Variants in LUZP2 observed in about 807,000 individuals in gnomAD.
LUZP2 encodes leucine zipper protein 2.
In LUZP2, 52 loss-of-function variants were observed where a neutral mutation model predicts 51.6. The observed-to-expected ratio is 1.01, with a 90% CI of 0.81 to 1.27. The LOEUF (loss-of-function observed/expected upper bound fraction) is 1.27. LUZP2 is among the 50% of genes most tolerant of loss of function. The pLI, the probability that LUZP2 is intolerant of heterozygous loss-of-function variation, is 0.00. For synonymous variants in LUZP2, 154 were observed against 137.3 expected, an observed-to-expected ratio of 1.12 and a Z score of -0.85; for missense variants, 436 against 395.4, an observed-to-expected ratio of 1.10 and a Z score of -0.87.
intron 9 of LUZP2, among the ~76,000 whole-genome samples, chr11:25,021,557 T>C (rs1857334057): frequency 6.6e-6 from 1 of 151,642 alleles, no homozygotes; most frequent in South Asian, 2.1e-4. Flanking sequence ...TCATGATTAG[T>C]GTGTGTTTGA....
chr11:24,857,600 A>AAATC (rs1851610245), intron 5 of LUZP2, among the ~76,000 whole-genome samples: 1 of 150,268 alleles, frequency 6.7e-6, no homozygotes, highest in African/African-American at 2.4e-5. Flanking sequence ...TGTGAATGTT[A>AAATC]AATCAGTGCT....
intron 5 of LUZP2, among the ~76,000 whole-genome samples, chr11:24,872,064 T>G (rs1852094265): frequency 6.6e-6 from 1 of 152,124 alleles, no homozygotes; most frequent in African/African-American, 2.4e-5. Flanking sequence ...GTTATCCCCA[T>G]GCTCTGACTT....
chr11:24,537,172 G>T (rs1282113285), intron 1 of LUZP2, among the ~76,000 whole-genome samples: 2 of 151,868 alleles, frequency 1.3e-5, no homozygotes, highest in African/African-American at 4.8e-5. Flanking sequence ...TTGAAATATT[G>T]TGAGAATTAA....
chr11:24,935,089 A>C (rs1379131476), intron 7 of LUZP2, among the ~76,000 whole-genome samples: 7 of 152,228 alleles, frequency 4.6e-5, no homozygotes, highest in Non-Finnish European at 1.5e-5. Context: ...GATTAATTCT[A>C]GAACATGTCT....
chr11:24,557,516 C>T (rs2133762926), intron 1 of LUZP2, among the ~76,000 whole-genome samples: 1 of 152,032 alleles, frequency 6.6e-6, no homozygotes, highest in South Asian at 2.1e-4. Flanking sequence ...AATGAGTGGA[C>T]AAACTATAAT....
At chr11:24,813,803 A>T (rs1001443280) in intron 5 of LUZP2, among the ~76,000 whole-genome samples, 53 of 152,200 alleles carry the variant, frequency 3.5e-4, no homozygotes, top group African/African-American at 1.2e-3. Flanking sequence ...ATTCTCTGAG[A>T]TGCCCCTCCC....
intron 1 of LUZP2, among the ~76,000 whole-genome samples, chr11:24,550,339 C>A (rs1851688572): frequency 6.6e-6 from 1 of 151,982 alleles, no homozygotes; most frequent in African/African-American, 2.4e-5. Flanking sequence ...TGTAAGAAAT[C>A]AATTACACAC....
chr11:24,835,023 G>A (rs11028204), intron 5 of LUZP2, among the ~76,000 whole-genome samples: 23,790 of 151,888 alleles, frequency 0.16, 2,065 homozygotes, highest in African/African-American at 0.22. Flanking sequence ...GATTGCAAAA[G>A]TTTTCTCCCA....
intron 7 of LUZP2, among the ~76,000 whole-genome samples, chr11:24,936,177 T>C (rs1310799493): frequency 2.0e-5 from 3 of 152,190 alleles, no homozygotes; most frequent in African/African-American, 7.2e-5. Flanking sequence ...ACAAATTTTA[T>C]AGTTTATGAA....
intron 1 of LUZP2, among the ~76,000 whole-genome samples, chr11:24,513,267 G>C (rs1283024031): frequency 6.6e-6 from 1 of 151,998 alleles, no homozygotes; most frequent in Non-Finnish European, 1.5e-5. Flanking sequence ...AGTCCCCCTT[G>C]CCTGTTTTTG....
chr11:25,035,534 G>T (rs1490802133), intron 9 of LUZP2, among the ~76,000 whole-genome samples: 1 of 151,802 alleles, frequency 6.6e-6, no homozygotes, highest in Non-Finnish European at 1.5e-5. Context: ...AAAAAAACCA[G>T]GTATGACACA....
At chr11:24,590,840 T>C (rs375447506) in intron 1 of LUZP2, among the ~76,000 whole-genome samples, 206 of 152,332 alleles carry the variant, frequency 1.4e-3, no homozygotes, top group Middle Eastern at 6.8e-3. Flanking sequence ...ATTGCACATG[T>C]GGAGTTTTGT....
intron 7 of LUZP2, among the ~76,000 whole-genome samples, chr11:24,934,600 G>A (rs1854540841): frequency 6.7e-6 from 1 of 150,084 alleles, no homozygotes; most frequent in Non-Finnish European, 1.5e-5. Context: ...ATTAAATCAG[G>A]ATTTGAAAAA....
At chr11:24,953,630 G>C (rs1855136717) in intron 7 of LUZP2, among the ~76,000 whole-genome samples, 1 of 151,966 alleles carries the variant, frequency 6.6e-6, no homozygotes, top group South Asian at 2.1e-4. Context: ...AGTAGATATA[G>C]AGCACTTGTA....
intron 10 of LUZP2, among the ~76,000 whole-genome samples, chr11:25,061,770 A>G (rs1049523345): frequency 2.0e-5 from 3 of 152,152 alleles, no homozygotes; most frequent in Non-Finnish European, 2.9e-5. Context: ...ATCATTCACT[A>G]CAATTTATTA....
chr11:24,716,625 G>A (rs1252706181), intron 1 of LUZP2, among the ~76,000 whole-genome samples: 2 of 152,110 alleles, frequency 1.3e-5, no homozygotes, highest in African/African-American at 4.8e-5. Flanking sequence ...AGCTGGGGGC[G>A]GTGGCTCAAG....
intron 1 of LUZP2, among the ~76,000 whole-genome samples, chr11:24,527,573 A>T (rs1167040914): frequency 1.6e-3 from 226 of 141,884 alleles, no homozygotes; most frequent in African/African-American, 4.4e-3. Context: ...TCTCTCACAC[A>T]CACACACACA....
chr11:24,978,596 G>A (rs892755459), intron 8 of LUZP2, among the ~76,000 whole-genome samples: 2 of 151,346 alleles, frequency 1.3e-5, no homozygotes, highest in African/African-American at 4.8e-5. Context: ...CCTTTTTTGT[G>A]GCCATCCTAT....
chr11:24,826,200 T>TATATATAC (rs1850536024), intron 5 of LUZP2, among the ~76,000 whole-genome samples: 1 of 140,354 alleles, frequency 7.1e-6, no homozygotes. Flanking sequence ...AATATATATA[T>TATATATAC]ATATATATAG....
Sources: gnomAD v4.1 joint callset for allele counts (sites outside exome capture counted in the v4.1 genomes callset) on GRCh38, gnomAD v4.1.1 for gene constraint, MANE v1.5 for transcripts, NCBI Gene and HGNC (gene_info 2026-07-23, HGNC 2026-07-21) for gene names.